Variants in MRPL48 observed in about 807,000 individuals in gnomAD.
MRPL48 encodes the protein mitochondrial ribosomal protein L48, also known as large ribosomal subunit protein mL48.
MRPL48 carries 16 observed loss-of-function variants against 32.9 expected under a neutral mutation model. That is an observed-to-expected ratio of 0.49 (90% CI 0.33 to 0.74). The LOEUF (loss-of-function observed/expected upper bound fraction) is 0.74, where lower values mean the gene tolerates loss of function less well. MRPL48 is among the 30% of genes least tolerant of loss of function. The probability of loss-of-function intolerance (pLI) is 0.02; values close to 1 mark genes in which losing one functional copy is unlikely to be tolerated. For missense variants in MRPL48, 206 were observed against 245.3 expected (o/e 0.84, Z 1.07); for synonymous variants, 94 against 89.2 (o/e 1.05, Z -0.31).
chr11:73,855,515 TCTCA>T (rs1948469244), intron 5 of MRPL48, among the ~76,000 whole-genome samples: 1 of 152,154 alleles, frequency 6.6e-6, no homozygotes, highest in African/African-American at 2.4e-5. Context: ...TGAGATGGAG[TCTCA>T]CTCCGTTGCC....
chr11:73,845,179 T>C, intron 5 of MRPL48: 2 of 437,238 alleles, frequency 4.6e-6, no homozygotes, highest in African/African-American at 2.0e-5. Flanking sequence ...CTTCTCCCTC[T>C]TCCCCACTCA....
intron 4 of MRPL48, among the ~76,000 whole-genome samples, chr11:73,830,269 T>C (rs1254395364): frequency 6.6e-6 from 1 of 152,234 alleles, no homozygotes; most frequent in Non-Finnish European, 1.5e-5. Flanking sequence ...TAACCCACTA[T>C]CTGCAAACAC....
At chr11:73,825,284 ATGTGTGTGTGTGTG>A (rs66515925) in intron 3 of MRPL48, among the ~76,000 whole-genome samples, 2,291 of 139,898 alleles carry the variant, frequency 0.016, 27 homozygotes, top group Non-Finnish European at 0.022. Context: ...TTTTTTATAT[ATGTGTGTGTGTGTG>A]TGTGTGTGTG....
At chr11:73,806,644 C>T (rs1350159799) in intron 2 of MRPL48, among the ~76,000 whole-genome samples, 2 of 152,154 alleles carry the variant, frequency 1.3e-5, no homozygotes, top group African/African-American at 2.4e-5. Context: ...TGGTATCTGA[C>T]ACATAGTAGG....
At chr11:73,834,760 C>A (rs1487516184) in intron 4 of MRPL48, among the ~76,000 whole-genome samples, 1 of 151,648 alleles carries the variant, frequency 6.6e-6, no homozygotes, top group Non-Finnish European at 1.5e-5. Flanking sequence ...GTCTTAATCT[C>A]CTGACCTCAG....
At chr11:73,810,555 C>A (rs1376636608) in intron 3 of MRPL48, among the ~76,000 whole-genome samples, 3 of 114,684 alleles carry the variant, frequency 2.6e-5, no homozygotes, top group Admixed American at 1.6e-4. Flanking sequence ...TGTTTTCTTT[C>A]TTTATTTTTT....
At chr11:73,790,062 AT>A (rs34534770) in intron 1 of MRPL48, among the ~76,000 whole-genome samples, 57 of 103,814 alleles carry the variant, frequency 5.5e-4, no homozygotes, top group East Asian at 1.5e-3. Flanking sequence ...TGCTCAGCTA[AT>A]TTTTTTTTTT....
chr11:73,850,009 A>G (rs1948361044), intron 5 of MRPL48, among the ~76,000 whole-genome samples: 1 of 152,140 alleles, frequency 6.6e-6, no homozygotes, highest in Admixed American at 6.6e-5. Context: ...CTGAGGCAGG[A>G]ATATTGTTTA....
chr11:73,863,400 C>G, intron 7 of MRPL48, 139 bp downstream of exon 7: 1 of 739,666 alleles, frequency 1.4e-6, no homozygotes, highest in African/African-American at 1.8e-5. Flanking sequence ...AAAAGTTGTA[C>G]ACTCTGATGA....
intron 2 of MRPL48, 83 bp from the exon 3 acceptor site, chr11:73,808,230 G>C: frequency 7.5e-7 from 1 of 1,326,934 alleles, no homozygotes; most frequent in Non-Finnish European, 1.1e-6. Context: ...TGCATCTTTA[G>C]TGATAGAATA....
intron 4 of MRPL48, among the ~76,000 whole-genome samples, chr11:73,837,955 G>A (rs766609972): frequency 6.6e-6 from 1 of 152,094 alleles, no homozygotes; most frequent in Non-Finnish European, 1.5e-5. Flanking sequence ...GGGTTCAAGC[G>A]ATTCTCCTGC....
intron 6 of MRPL48, among the ~76,000 whole-genome samples, chr11:73,861,962 G>A (rs1051848121): frequency 6.6e-6 from 1 of 152,118 alleles, no homozygotes; most frequent in African/African-American, 2.4e-5. Flanking sequence ...TCAGGTCCTG[G>A]TATGCCTGGA....
chr11:73,844,694 G>A (rs1948254282), intron 4 of MRPL48, 113 bp from the exon 5 acceptor site: 1 of 1,278,512 alleles, frequency 7.8e-7, no homozygotes. Flanking sequence ...TAACCTGAGA[G>A]CAAAATGTGA....
chr11:73,847,921 CCTGT>C (rs1343975024), intron 5 of MRPL48, among the ~76,000 whole-genome samples: 1 of 152,060 alleles, frequency 6.6e-6, no homozygotes, highest in Non-Finnish European at 1.5e-5. Flanking sequence ...ATATTTTCTT[CCTGT>C]CTATGACTTA....
chr11:73,837,745 T>G (rs1207211332), intron 4 of MRPL48, among the ~76,000 whole-genome samples: 3 of 152,184 alleles, frequency 2.0e-5, no homozygotes, highest in African/African-American at 7.2e-5. Flanking sequence ...CCTACTACGT[T>G]TCTCCTAACT....
At chr11:73,831,166 C>T (rs1401596601) in intron 4 of MRPL48, among the ~76,000 whole-genome samples, 2 of 151,948 alleles carry the variant, frequency 1.3e-5, no homozygotes, top group Non-Finnish European at 2.9e-5. Flanking sequence ...TTACATGGCC[C>T]GGTTTATAAC....
intron 7 of MRPL48, among the ~76,000 whole-genome samples, chr11:73,863,600 C>T (rs1038590258): frequency 6.6e-6 from 1 of 152,112 alleles, no homozygotes; most frequent in African/African-American, 2.4e-5. Context: ...AATCAGAACA[C>T]AAATAGGAAA....
At chr11:73,855,242 A>T (rs1177226391) in intron 5 of MRPL48, among the ~76,000 whole-genome samples, 3 of 151,740 alleles carry the variant, frequency 2.0e-5, no homozygotes, top group South Asian at 2.1e-4. Flanking sequence ...TTCTAGATGG[A>T]AATATGATTA....
chr11:73,826,637 C>T (rs1181890709), intron 4 of MRPL48, among the ~76,000 whole-genome samples: 1 of 152,026 alleles, frequency 6.6e-6, no homozygotes, highest in East Asian at 1.9e-4. Context: ...CGCTGCCACA[C>T]CTGGCTAATT....
Sources: allele counts gnomAD v4.1 joint callset (sites outside exome capture counted in the v4.1 genomes callset), GRCh38; gene constraint gnomAD v4.1.1; transcripts MANE v1.5; gene names NCBI Gene and HGNC (gene_info 2026-07-23, HGNC 2026-07-21).